The following TTN variants were observed in gnomAD, a reference collection of about 807,000 sequenced individuals.
TTN encodes connectin.
A neutral mutation model predicts 3,223.0 loss-of-function variants in TTN; 1,525 were observed. The ratio of observed to expected loss-of-function variants is 0.47; its 90% CI spans 0.45 to 0.49. The LOEUF (loss-of-function observed/expected upper bound fraction) is 0.49, where lower values mean the gene tolerates loss of function less well. TTN is among the 20% of genes least tolerant of loss of function. The pLI is 0.00. For synonymous variants in TTN, 14,094 were observed against 15,161.0 expected, an observed-to-expected ratio of 0.93 and a Z score of 5.17; for missense variants, 40,786 against 43,424.0, an observed-to-expected ratio of 0.94 and a Z score of 5.40.
chr2:178,560,992 G>A lies in TTN; in HGVS notation c.85140C>T (p.Asp28380=). The A allele has an allele frequency of 6.2e-7, 1 of 1,613,782 alleles. No homozygotes were observed. Among genetic ancestry groups the A allele is most frequent in the South Asian group, 1.1e-5 (1 of 91,070 alleles). ...KAGEVLKINA[D]IAGRPLPVIS... is the part of the protein sequence containing the mutation. The stretch of plus-strand genomic sequence containing the variant: ...TTACTGGCAGAGGTCGCCCTGCAAT[G>A]TCTGCATTTATCTTAAGGACCTCTC... Residue 28380 remains aspartate, a synonymous_variant, in exon 326 of 363, where the codon GAC becomes GAT. Coordinates refer to ENST00000589042, the MANE Select transcript of TTN (RefSeq NM_001267550.2).
chr2:178,780,782 C>A (rs979319428), intron 21 of TTN, among the ~76,000 whole-genome samples: 7 of 152,204 alleles, frequency 4.6e-5, no homozygotes, highest in Non-Finnish European at 7.3e-5. Flanking sequence ...TGAGGCAGGG[C>A]ACCTACTCTC....
chr2:178,692,072 G>A lies in TTN; in HGVS notation c.31706C>T (p.Pro10569Leu). The change falls in exon 121 of 363, where the codon CCA (proline) becomes CTA (leucine). Residue 10569 changes from proline to leucine, a missense_variant. Transcript: ENST00000589042. ...CACAGGAACTGGCTTTTTCTCCTCT[G>A]GCACGGGTTTCTTGGGAACCTCAGG... ...KVPEVPKKPV[P>L]EEKKPVPVPK... 1 of 1,613,172 alleles carries A rather than the reference G, an allele frequency of 6.2e-7. No homozygotes were observed. Among genetic ancestry groups the A allele is most frequent in the Non-Finnish European group, 8.5e-7 (1 of 1,179,350 alleles).
chr2:178,601,751 GAAT>G lies in TTN; in HGVS notation c.55336_55338del (p.Ile18446del). ...CCTGTATGAGATCGTTTACACTCCG[GAAT>G]AATAATTACTGAGGAGTTTTCAGCA... On this transcript the variant is annotated inframe_deletion, in exon 286 of 363. Coordinates refer to ENST00000589042, the MANE Select transcript of TTN (RefSeq NM_001267550.2). 2 of 1,608,336 alleles carry G rather than the reference GAAT, an allele frequency of 1.2e-6. No homozygotes were observed. Among genetic ancestry groups the G allele is most frequent in the Middle Eastern group, 1.7e-4 (1 of 6,022 alleles).
Position 178,530,814 on chromosome 2 carries a change from T to C in TTN, c.105801A>G (p.Thr35267=). 6.2e-7 allele frequency: 1 copy of C among 1,613,952 alleles called. No homozygotes were observed. Among genetic ancestry groups the C allele is most frequent in the Non-Finnish European group, 8.5e-7 (1 of 1,179,878 alleles). Reference sequence around the variant, plus strand: ...TCTCTGTTGGTGTTGGTTTTGTCTCTGTGGGTGATACGGCTTTCGGGTGAG... The same window carrying C: ...TCTCTGTTGGTGTTGGTTTTGTCTCCGTGGGTGATACGGCTTTCGGGTGAG... ...EPSHPKAVSP[T]ETKPTPTEKV... The change falls in exon 358 of 363, where the codon ACA becomes ACG. Residue 35267 remains threonine, a synonymous_variant. Transcript: ENST00000589042.
In TTN at chr2:178,574,840, C is replaced by T. The variant is rs868217593; in HGVS notation, c.71292G>A (p.Val23764=). ...DGGVPISNYV[V]EMRQTDSTTW... is the part of the protein sequence containing the mutation. ...TAGTACTGTCAGTCTGCCGCATTTC[C>T]ACTACATAGTTGCTTATTGGTACAC... Residue 23764 remains valine, a synonymous_variant, in exon 326 of 363, where the codon GTG becomes GTA. Coordinates refer to ENST00000589042, the MANE Select transcript of TTN (RefSeq NM_001267550.2). 13 of 1,612,878 alleles carry T rather than the reference C, an allele frequency of 8.1e-6. No individual in the cohort carries two copies. Among genetic ancestry groups the T allele is most frequent in the Middle Eastern group, 1.6e-4 (1 of 6,074 alleles).
Position 178,562,319 on chromosome 2 carries a change from G to C in TTN, c.83813C>G (p.Ala27938Gly), listed in dbSNP as rs1369391499. 6.2e-7 allele frequency: 1 copy of C among 1,613,060 alleles called. No homozygotes were observed. The change falls in exon 326 of 363, where the codon GCA (alanine) becomes GGA (glycine). Residue 27938 changes from alanine to glycine, a missense_variant. Transcript: ENST00000589042. ...ATCACTTCTTCCCTTTTCGTTAACTGCAGCTACCCTGAAGACATACTCTTC... is the reference window on the plus strand; with the variant it reads ...ATCACTTCTTCCCTTTTCGTTAACTCCAGCTACCCTGAAGACATACTCTTC... ...AGEEYVFRVA[A>G]VNEKGRSDPR... is the part of the protein sequence containing the mutation.
At chr2:178,696,369 C>T in intron 113 of TTN, 100 bp from the exon 114 acceptor site, 2 of 968,944 alleles carry the variant, frequency 2.1e-6, no homozygotes, top group Non-Finnish European at 2.9e-6. Flanking sequence ...TATTTCAGAT[C>T]TATTTTATTG....
chr2:178,541,945 G>T, intron 349 of TTN: 1 of 268,514 alleles, frequency 3.7e-6, no homozygotes, highest in Non-Finnish European at 6.9e-6. Context: ...CTATAACATT[G>T]CCAGTCCTCC....
chr2:178,553,891 A>C lies in TTN; in HGVS notation c.89197+23T>G, dbSNP rs770621014. ...GTGAATATAGAAGACACAGGTGAAG[A>C]TGCTGCAGGTATGAGCACTTACCAA... On this transcript the variant is annotated intron_variant, in intron 333 of 362. Transcript: ENST00000589042. 8.9e-6 allele frequency: 14 copies of C among 1,569,936 alleles called. No homozygotes were observed. In the African/African-American group the frequency reaches 1.6e-4, roughly 18 times the overall value.
Position 178,760,201 on chromosome 2 carries a change from A to T in TTN, c.10115-1029T>A, listed in dbSNP as rs75590258. ...GGCAGGTTCTCCTCTTAGAGTAACAAATCTGTTCAGTTCCTTAGATAGTAA... is the reference window on the plus strand; with the variant it reads ...GGCAGGTTCTCCTCTTAGAGTAACATATCTGTTCAGTTCCTTAGATAGTAA... On this transcript the variant is annotated intron_variant, in intron 43 of 362. Transcript: ENST00000589042. 2.9e-3 allele frequency among the ~76,000 whole-genome samples: 443 copies of T among 152,020 alleles called. 5 individuals are homozygous for T. The highest frequency in any genetic ancestry group is 0.01 in the African/African-American group (428 of 41,292).
At chr2:178,704,856 T>C (rs187393718) in intron 104 of TTN, 21 bp downstream of exon 104, 1 of 1,610,960 alleles carries the variant, frequency 6.2e-7, no homozygotes, top group Non-Finnish European at 8.5e-7. Flanking sequence ...TTCATTTTAT[T>C]ATCAACATAA....
At position 178,775,137 on chromosome 2, in the gene TTN, C is replaced by T. The variant is rs774574739; in HGVS notation, c.6574G>A (p.Ala2192Thr). 1.2e-5 allele frequency: 19 copies of T among 1,613,812 alleles called. No homozygotes were observed. In the Admixed American group the frequency reaches 3.2e-4, roughly 27 times the overall value. ...TCTGAAGTTTCACATTCAAAGGTTG[C>T]CATAGTGTCTTTTTCCTTAGCAACA... The part of the protein sequence containing the change: ...DVVAKEKDTM[A>T]TFECETSEPF... Residue 2192 changes from alanine (A) to threonine (T), a missense_variant, in exon 29 of 363, where the codon GCA (alanine) becomes ACA (threonine). Physicochemically the swap from Ala to Thr is moderately conservative, Grantham distance 58 (BLOSUM62 0). Transcript: ENST00000589042.
At position 178,614,546 on chromosome 2, in the gene TTN, C is replaced by A; in HGVS notation, c.48968G>T (p.Arg16323Ile). The part of the protein sequence containing the change: ...KSTVTIVDSK[R>I]SDTGTYIIEA... The stretch of plus-strand genomic sequence containing the variant: ...AATGATATATGTGCCAGTGTCACTT[C>A]TCTTACTATCAACAATAGTCACTGT... The change falls in exon 261 of 363, where the codon AGA (arginine) becomes ATA (isoleucine). Residue 16323 changes from arginine (R) to isoleucine (I), a missense_variant. Transcript: ENST00000589042. The A allele has an allele frequency of 6.2e-7, 1 of 1,612,456 alleles. No individual in the cohort carries two copies. The highest frequency in any genetic ancestry group is 8.5e-7 in the Non-Finnish European group (1 of 1,179,170).
chr2:178,753,786 C>G (rs139551852), intron 46 of TTN: 1 of 152,382 alleles, frequency 6.6e-6, no homozygotes, highest in Non-Finnish European at 1.5e-5. Flanking sequence ...TCGTATCACT[C>G]TCAGTCTTCA....
intron 276 of TTN, 39 bp from the exon 277 acceptor site, chr2:178,607,724 A>G (rs1467042227): frequency 1.9e-6 from 3 of 1,611,702 alleles, no homozygotes; most frequent in Non-Finnish European, 2.5e-6. Context: ...CCCATGAAAG[A>G]TTAAAAAATA....
In TTN at chr2:178,540,328, G is replaced by T; in HGVS notation, c.97838C>A (p.Thr32613Lys). 5 of 1,613,638 alleles carry T rather than the reference G, an allele frequency of 3.1e-6. No homozygotes were observed. Among genetic ancestry groups the T allele is most frequent in the Non-Finnish European group, 4.2e-6 (5 of 1,179,648 alleles). The change falls in exon 351 of 363, where the codon ACA becomes AAA. Residue 32613 changes from threonine (T) to lysine (K), a missense_variant. Transcript: ENST00000589042. ...CCAGGCCAGGGAGACTGATGTCCTT[G>T]TTGTATCAGTAACTCTTGGGTTTTG... Reference protein sequence around the residue: ...KPQNPRVTDTTRTSVSLAWSV... With the variant: ...KPQNPRVTDTKRTSVSLAWSV...
Position 178,711,938 on chromosome 2 carries a change from A to C in TTN, c.27886+6T>G, listed in dbSNP as rs765694957. Reference sequence around the variant, plus strand: ...AATTCGTTCACTTTAAAAATATTGCAATCACCTTGAACGGTAAGGAAAGTT... The same window carrying C: ...AATTCGTTCACTTTAAAAATATTGCCATCACCTTGAACGGTAAGGAAAGTT... On this transcript the variant is annotated splice_donor_region_variant and intron_variant, in intron 96 of 362. Transcript: ENST00000589042. 1 of 1,560,312 alleles carries C rather than the reference A, an allele frequency of 6.4e-7. No individual in the cohort carries two copies. The highest frequency in any genetic ancestry group is 1.3e-5 in the South Asian group (1 of 79,756).
In TTN at chr2:178,739,652, T is replaced by C; in HGVS notation, c.13581A>G (p.Lys4527=). Residue 4527 remains lysine (K), a synonymous_variant, in exon 48 of 363, where the codon AAA becomes AAG. Coordinates refer to ENST00000589042, the MANE Select transcript of TTN (RefSeq NM_001267550.2). ...EPITEPEVES[K]YLISTEEVSY... The stretch of plus-strand genomic sequence containing the variant: ...TGACCTCTTCAGTTGAGATCAGATA[T>C]TTAGATTCAACTTCTGGTTCAGTAA... The C allele has an allele frequency of 1.9e-6, 3 of 1,613,930 alleles. No individual in the cohort carries two copies. The highest frequency in any genetic ancestry group is 2.5e-6 in the Non-Finnish European group (3 of 1,179,846).
At chr2:178,627,550 G>A (rs1006033976) in intron 240 of TTN, among the ~76,000 whole-genome samples, 1 of 151,980 alleles carries the variant, frequency 6.6e-6, no homozygotes, top group Admixed American at 6.6e-5. Context: ...AAGGTATTTC[G>A]GGTGCCTAGA....
Sources: gnomAD v4.1 joint callset for allele counts (sites outside exome capture counted in the v4.1 genomes callset) on GRCh38, gnomAD v4.1.1 for gene constraint, MANE v1.5 for transcripts, NCBI Gene and HGNC (gene_info 2026-07-23, HGNC 2026-07-21) for gene names.